The following NCKAP1 variants were observed in gnomAD, a reference collection of about 807,000 sequenced individuals.
NCKAP1 encodes the protein NCK associated protein 1.
A neutral mutation model predicts 151.2 loss-of-function variants in NCKAP1; 21 were observed. The ratio of observed to expected loss-of-function variants is 0.14; its 90% CI spans 0.10 to 0.20. The LOEUF (loss-of-function observed/expected upper bound fraction) is 0.20. NCKAP1 is among the 10% of genes least tolerant of loss of function. The pLI is 1.00. For synonymous variants in NCKAP1, 484 were observed against 451.8 expected (o/e 1.07, Z -0.90); for missense variants, 933 against 1,352.1 (o/e 0.69, Z 4.86).
At chr2:182,928,022 GTAAAAA>G (rs1407056629) in intron 29 of NCKAP1, 89 bp downstream of exon 29, 6 of 866,334 alleles carry the variant, frequency 6.9e-6, no homozygotes, top group Non-Finnish European at 8.7e-6. Flanking sequence ...TAAATAAAAT[GTAAAAA>G]TAAAGAGAAT....
In NCKAP1 at chr2:182,989,085, C is replaced by T. The variant is rs1698113879; in HGVS notation, c.892G>A (p.Asp298Asn). Residue 298 changes from aspartate to asparagine, a missense_variant, in exon 9 of 31, where the codon GAT becomes AAT. Asp to Asn is a conservative substitution (Grantham distance 23, BLOSUM62 1). Coordinates refer to ENST00000361354, the MANE Select transcript of NCKAP1 (RefSeq NM_013436.5). Reference sequence around the variant, plus strand: ...GCTTTGTGAATGTGGAAAACTTCATCCCGAAAGAGAGAGAGGCAAGAGCTA... The same window carrying T: ...GCTTTGTGAATGTGGAAAACTTCATTCCGAAAGAGAGAGAGGCAAGAGCTA... The part of the protein sequence containing the change: ...QSSSCLSLFR[D>N]EVFHIHKAAE... 6 of 1,613,714 alleles carry T rather than the reference C, an allele frequency of 3.7e-6. No individual in the cohort carries two copies. Among genetic ancestry groups the T allele is most frequent in the Non-Finnish European group, 5.1e-6 (6 of 1,179,786 alleles).
intron 2 of NCKAP1, among the ~76,000 whole-genome samples, chr2:183,021,757 T>C (rs1401026484): frequency 1.3e-5 from 2 of 152,154 alleles, no homozygotes; most frequent in African/African-American, 2.4e-5. Flanking sequence ...ACAGAAAAAG[T>C]ACATCAGTGG....
chr2:182,949,477 A>G (rs186362421), intron 23 of NCKAP1, among the ~76,000 whole-genome samples: 54 of 152,326 alleles, frequency 3.5e-4, no homozygotes, highest in Non-Finnish European at 6.9e-4. Flanking sequence ...ATAAGTGAAG[A>G]TCTTAGAAAA....
Position 182,930,736 on chromosome 2 carries a change from A to G in NCKAP1, c.2912T>C (p.Ile971Thr). ...AAGAGCTACGACCAATGCAGGATCA[A>G]TCTCACAAGGTAATCCGGCAGCTGA... ...LSSAAGLPCE[I>T]DPALVVALSS... Residue 971 changes from isoleucine (I) to threonine (T), a missense_variant, in exon 27 of 31, where the codon ATT becomes ACT. Around this residue, in one of 2 missense-constraint regions of NCKAP1, gnomAD observed 326 missense variants for 557.1 expected, o/e 0.59. Transcript: ENST00000361354. 4 of 1,613,524 alleles carry G rather than the reference A, an allele frequency of 2.5e-6. No individual in the cohort carries two copies. The highest frequency in any genetic ancestry group is 3.4e-6 in the Non-Finnish European group (4 of 1,179,498).
intron 23 of NCKAP1, among the ~76,000 whole-genome samples, chr2:182,943,657 A>T (rs1479064462): frequency 6.6e-6 from 1 of 152,084 alleles, no homozygotes; most frequent in Non-Finnish European, 1.5e-5. Context: ...AAAAAAACCC[A>T]ACTACTAACA....
At chr2:182,970,426 A>ATT (rs1697663206) in intron 15 of NCKAP1, among the ~76,000 whole-genome samples, 1 of 151,864 alleles carries the variant, frequency 6.6e-6, no homozygotes. Flanking sequence ...AGTTAGATAA[A>ATT]TACAAGATGG....
In NCKAP1 at chr2:182,983,824, G is replaced by A. The variant is rs1436905164; in HGVS notation, c.1005-442C>T. ...AACTTGGGCAGACTGCGTGAGCTCA[G>A]GAGTTCGAGACCAGCCTGGGCAACA... On this transcript the variant is annotated intron_variant, in intron 10 of 30. Transcript: ENST00000361354. Among the ~76,000 whole-genome samples the A allele has an allele frequency of 2.0e-5, 3 of 152,172 alleles. No homozygotes were observed. The East Asian group carries it at 5.8e-4, about 29-fold the overall frequency.
chr2:182,947,257 C>A (rs1220310839), intron 23 of NCKAP1: 1 of 152,212 alleles, frequency 6.6e-6, no homozygotes, highest in Non-Finnish European at 1.5e-5. Context: ...AACAGGGCTG[C>A]AAATCCTGGG....
intron 23 of NCKAP1, among the ~76,000 whole-genome samples, chr2:182,952,090 T>C (rs1429244456): frequency 1.3e-5 from 2 of 152,192 alleles, no homozygotes; most frequent in African/African-American, 4.8e-5. Context: ...GGCTGGAATT[T>C]TGAAGCTGGT....
intron 2 of NCKAP1, among the ~76,000 whole-genome samples, chr2:183,010,523 G>C (rs1176107919): frequency 2.6e-5 from 4 of 152,192 alleles, no homozygotes; most frequent in Admixed American, 2.0e-4. Context: ...ATGAAATTTA[G>C]AGGTGACCTG....
At chr2:182,935,230 A>T (rs1273021349) in intron 25 of NCKAP1, 63 bp downstream of exon 25, 1 of 1,184,804 alleles carries the variant, frequency 8.4e-7, no homozygotes, top group African/African-American at 1.6e-5. Flanking sequence ...CTTAACTTTA[A>T]ATTTCTGAGA....
intron 26 of NCKAP1, among the ~76,000 whole-genome samples, chr2:182,931,572 A>G (rs1696764883): frequency 6.6e-6 from 1 of 152,162 alleles, no homozygotes; most frequent in African/African-American, 2.4e-5. Context: ...TAAAACGCTT[A>G]GAAAAAAATA....
intron 1 of NCKAP1, among the ~76,000 whole-genome samples, chr2:183,032,928 T>C (rs946597966): frequency 7.2e-5 from 11 of 152,264 alleles, no homozygotes; most frequent in East Asian, 3.9e-4. Context: ...CATGTGCCTA[T>C]AGTCCCAGCT....
At chr2:182,945,862 A>T (rs112413804) in intron 23 of NCKAP1, among the ~76,000 whole-genome samples, 13,320 of 152,278 alleles carry the variant, frequency 0.087, 717 homozygotes, top group Non-Finnish European at 0.12. Flanking sequence ...GTGTATGTTC[A>T]CTGAAGCACT....
At chr2:182,928,383 C>T (rs567677187) in intron 28 of NCKAP1, among the ~76,000 whole-genome samples, 157 bp from the exon 29 acceptor site, 1 of 152,074 alleles carries the variant, frequency 6.6e-6, no homozygotes, top group South Asian at 2.1e-4. Flanking sequence ...TTCATGAACA[C>T]TGATGTTTTT....
At chr2:183,026,146 C>T (rs758158140) in intron 1 of NCKAP1, among the ~76,000 whole-genome samples, 2 of 152,108 alleles carry the variant, frequency 1.3e-5, no homozygotes, top group African/African-American at 4.8e-5. Flanking sequence ...ACAGAAAGAA[C>T]AGAATTTCAT....
In NCKAP1 at chr2:182,952,433, T is replaced by C; in HGVS notation, c.2573A>G (p.His858Arg). Residue 858 changes from histidine (H) to arginine (R), a missense_variant, in exon 23 of 31, where the codon CAT becomes CGT. Around this residue, in one of 2 missense-constraint regions of NCKAP1, gnomAD observed 326 missense variants for 557.1 expected, o/e 0.59. Coordinates refer to ENST00000361354, the MANE Select transcript of NCKAP1 (RefSeq NM_013436.5). Reference sequence around the variant, plus strand: ...AAGTTCAGCAACTTGTGATGAAATATGCCACATAAGGCTTTCACTTAGAAA... The same window carrying C: ...AAGTTCAGCAACTTGTGATGAAATACGCCACATAAGGCTTTCACTTAGAAA... ...MKFLSESLMW[H>R]ISSQVAELKK... is the part of the protein sequence containing the mutation. 6.2e-7 allele frequency: 1 copy of C among 1,609,986 alleles called. No homozygotes were observed. The highest frequency in any genetic ancestry group is 8.5e-7 in the Non-Finnish European group (1 of 1,178,058).
chr2:182,928,546 A>G (rs928796333), intron 28 of NCKAP1, among the ~76,000 whole-genome samples: 1 of 151,974 alleles, frequency 6.6e-6, no homozygotes, highest in African/African-American at 2.4e-5. Flanking sequence ...TTTACCATTC[A>G]ATCCTTAAAA....
chr2:182,952,551 T>C lies in NCKAP1; in HGVS notation c.2504-49A>G, dbSNP rs776529781. 2.9e-6 allele frequency: 4 copies of C among 1,365,802 alleles called. No homozygotes were observed. The African/African-American group carries it at 4.4e-5, about 15-fold the overall frequency. 84.6% of individuals were successfully genotyped at this position (1,365,802 alleles called of 1,614,324 possible). The stretch of plus-strand genomic sequence containing the variant: ...TATACTTCCGACAGAGCAAATACTT[T>C]AAGAAAATGAACATTAACACAATAC... On this transcript the variant is annotated intron_variant, in intron 22 of 30. Coordinates refer to ENST00000361354, the MANE Select transcript of NCKAP1 (RefSeq NM_013436.5).
Sources: allele counts gnomAD v4.1 joint callset (sites outside exome capture counted in the v4.1 genomes callset), GRCh38; gene constraint gnomAD v4.1.1; regional missense constraint gnomAD v4.1.1; transcripts MANE v1.5; gene names NCBI Gene and HGNC (gene_info 2026-07-23, HGNC 2026-07-21).